The following DLG1 variants were observed in gnomAD, a reference collection of about 807,000 sequenced individuals.
DLG1 encodes discs large MAGUK scaffold protein 1, also known as disks large homolog 1.
Under a neutral mutation model 123.4 loss-of-function variants are expected in DLG1, and 42 were observed. That is an observed-to-expected ratio of 0.34 (90% CI 0.27 to 0.44). The LOEUF is 0.44. Ranked by LOEUF, DLG1 falls within the 20% of genes least tolerant of loss-of-function variation. The probability of loss-of-function intolerance (pLI) is 1.00; values close to 1 mark genes in which losing one functional copy is unlikely to be tolerated. For synonymous variants in DLG1, 317 were observed against 356.2 expected, an observed-to-expected ratio of 0.89 and a Z score of 1.24; for missense variants, 942 against 1,082.6, an observed-to-expected ratio of 0.87 and a Z score of 1.82.
At chr3:197,199,850 T>C (rs911620185) in intron 4 of DLG1, among the ~76,000 whole-genome samples, 2 of 152,076 alleles carry the variant, frequency 1.3e-5, no homozygotes, top group Non-Finnish European at 2.9e-5. Flanking sequence ...TACCTAACAC[T>C]TATACTAAAA....
intron 5 of DLG1, among the ~76,000 whole-genome samples, chr3:197,167,747 A>G (rs1043192268): frequency 6.6e-6 from 1 of 152,228 alleles, no homozygotes; most frequent in Non-Finnish European, 1.5e-5. Context: ...ATAGAATTTG[A>G]TGAGTTTGCA....
chr3:197,095,565 C>G (rs1236497060), intron 14 of DLG1, among the ~76,000 whole-genome samples: 1 of 152,096 alleles, frequency 6.6e-6, no homozygotes, highest in Non-Finnish European at 1.5e-5. Flanking sequence ...ATGTTATGTT[C>G]TACCCAATAC....
intron 4 of DLG1, among the ~76,000 whole-genome samples, chr3:197,214,552 G>A (rs1733049220): frequency 6.6e-6 from 1 of 151,936 alleles, no homozygotes; most frequent in African/African-American, 2.4e-5. Flanking sequence ...TAGCCTGGGC[G>A]ACAGAGCGAG....
rs145764155 is a variant in DLG1, at chr3:197,252,826, T to C, written c.318+29853A>G. ...CTCATGAATGTATTTAATACCATTT[T>C]ACTATACACTTTAAAATGGTTAGAA... On this transcript the variant is annotated intron_variant, in intron 4 of 24. Transcript: ENST00000667157. 1.1e-3 allele frequency among the ~76,000 whole-genome samples: 173 copies of C among 152,336 alleles called. 1 individual carries two copies. The highest frequency in any genetic ancestry group is 6.8e-3 in the Middle Eastern group (2 of 294).
intron 9 of DLG1, 98 bp from the exon 10 acceptor site, chr3:197,136,776 A>ATATT (rs1785234859): frequency 1.9e-6 from 2 of 1,038,528 alleles, no homozygotes; most frequent in Admixed American, 2.6e-5. Flanking sequence ...CCTCACACTA[A>ATATT]TATTTTTTAA....
At chr3:197,196,667 C>T (rs1009626737) in intron 4 of DLG1, among the ~76,000 whole-genome samples, 1 of 152,124 alleles carries the variant, frequency 6.6e-6, no homozygotes, top group Non-Finnish European at 1.5e-5. Context: ...AACAAAATGT[C>T]TAAAGAAATA....
At chr3:197,294,365 G>A (rs1254854073) in intron 3 of DLG1, among the ~76,000 whole-genome samples, 1 of 149,240 alleles carries the variant, frequency 6.7e-6, no homozygotes, top group Non-Finnish European at 1.5e-5. Context: ...GCTAACTCTA[G>A]GCCAGACGCG....
intron 16 of DLG1, chr3:197,085,167 T>A (rs1753591904): frequency 6.1e-6 from 1 of 164,842 alleles, no homozygotes; most frequent in Non-Finnish European, 1.3e-5. Context: ...AAATAATTAC[T>A]ACAGTCAACC....
At position 197,043,530 on chromosome 3, in the gene DLG1, C is replaced by G. The variant is rs1560258199; in HGVS notation, c.*1093G>C. The G allele has an allele frequency of 6.6e-6, 1 of 151,620 alleles. No homozygotes were observed. Among genetic ancestry groups the G allele is most frequent in the Non-Finnish European group, 1.5e-5 (1 of 67,910 alleles). 9.4% of individuals were successfully genotyped at this position (151,620 alleles called of 1,614,324 possible). Reference sequence around the variant, plus strand: ...ATTAATATTTAATTTAAAAACCAAACAAAAAGTTAGGAGTAGGTGGCAAAA... The same window carrying G: ...ATTAATATTTAATTTAAAAACCAAAGAAAAAGTTAGGAGTAGGTGGCAAAA... On this transcript the variant is annotated 3_prime_UTR_variant, in exon 25 of 25. Transcript: ENST00000667157.
intron 4 of DLG1, among the ~76,000 whole-genome samples, chr3:197,214,076 G>C (rs1732721691): frequency 6.6e-6 from 1 of 152,128 alleles, no homozygotes; most frequent in African/African-American, 2.4e-5. Flanking sequence ...AAATGTAATA[G>C]CTGTGATAAG....
At chr3:197,052,236 C>G (rs899850600) in intron 23 of DLG1, among the ~76,000 whole-genome samples, 2 of 152,036 alleles carry the variant, frequency 1.3e-5, no homozygotes, top group African/African-American at 4.8e-5. Flanking sequence ...AGGTGGATCA[C>G]TTGAGGTAAG....
chr3:197,139,839 C>G (rs1252065502), intron 8 of DLG1, among the ~76,000 whole-genome samples: 1 of 152,136 alleles, frequency 6.6e-6, no homozygotes, highest in Non-Finnish European at 1.5e-5. Context: ...GTGAGTGTAT[C>G]TGAAAACACA....
intron 4 of DLG1, among the ~76,000 whole-genome samples, chr3:197,210,539 C>G (rs1467311246): frequency 7.0e-6 from 1 of 143,238 alleles, no homozygotes; most frequent in Admixed American, 7.0e-5. Context: ...TAGATGAAAT[C>G]AAGAAATTCC....
At chr3:197,106,117 C>T (rs115447504) in intron 13 of DLG1, among the ~76,000 whole-genome samples, 1,542 of 152,090 alleles carry the variant, frequency 0.01, 31 homozygotes, top group African/African-American at 0.035. Flanking sequence ...AAATACATAC[C>T]CCTTGAGGCT....
chr3:197,242,355 C>T (rs1749369970), intron 4 of DLG1, among the ~76,000 whole-genome samples: 2 of 151,826 alleles, frequency 1.3e-5, no homozygotes, highest in Admixed American at 1.3e-4. Context: ...ACTTTAATAC[C>T]CTACTCTCAG....
chr3:197,054,175 T>C (rs1232754772), intron 23 of DLG1, among the ~76,000 whole-genome samples: 1 of 152,228 alleles, frequency 6.6e-6, no homozygotes, highest in East Asian at 1.9e-4. Flanking sequence ...GCTTTCAAGA[T>C]TCTCTCTGTA....
intron 14 of DLG1, among the ~76,000 whole-genome samples, chr3:197,102,647 G>A (rs372967560): frequency 5.5e-4 from 83 of 152,284 alleles, no homozygotes; most frequent in Middle Eastern, 6.8e-3. Context: ...TTGGGAGGCC[G>A]AGGCAGGCAG....
intron 19 of DLG1, among the ~76,000 whole-genome samples, chr3:197,068,793 A>G (rs1265848173): frequency 2.6e-5 from 4 of 152,166 alleles, no homozygotes; most frequent in South Asian, 4.1e-4. Context: ...GTGATAAACA[A>G]TGACATGACC....
intron 3 of DLG1, among the ~76,000 whole-genome samples, chr3:197,290,082 G>A (rs1355446801): frequency 6.6e-6 from 1 of 152,000 alleles, no homozygotes. Context: ...CATCTCATAA[G>A]GACACAAGCT....
Sources: allele counts gnomAD v4.1 joint callset (sites outside exome capture counted in the v4.1 genomes callset), GRCh38; gene constraint gnomAD v4.1.1; transcripts MANE v1.5; gene names NCBI Gene and HGNC (gene_info 2026-07-23, HGNC 2026-07-21).